The following DNAJC5B variants were observed in gnomAD, a reference collection of about 807,000 sequenced individuals.
The protein encoded by DNAJC5B is DnaJ heat shock protein family (Hsp40) member C5 beta, also known as dnaJ homolog subfamily C member 5B.
In DNAJC5B, 23 loss-of-function variants were observed where a neutral mutation model predicts 24.7. The observed-to-expected ratio is 0.93, with a 90% CI of 0.67 to 1.32. The LOEUF is 1.32. DNAJC5B is among the 40% of genes most tolerant of loss of function. The pLI is 0.00. For synonymous variants in DNAJC5B, 101 were observed against 90.1 expected, an observed-to-expected ratio of 1.12 and a Z score of -0.68; for missense variants, 238 against 240.8, an observed-to-expected ratio of 0.99 and a Z score of 0.08.
At chr8:66,070,168 C>T (rs893688138) in intron 3 of DNAJC5B, among the ~76,000 whole-genome samples, 4 of 152,172 alleles carry the variant, frequency 2.6e-5, no homozygotes, top group Non-Finnish European at 5.9e-5. Flanking sequence ...GATGCCCTCT[C>T]TCACCACTCC....
intron 5 of DNAJC5B, among the ~76,000 whole-genome samples, chr8:66,081,081 C>A (rs989903538): frequency 7.9e-5 from 12 of 152,148 alleles, no homozygotes; most frequent in African/African-American, 2.9e-4. Flanking sequence ...GGAGTAGCCT[C>A]AAACCAGCAT....
intron 3 of DNAJC5B, among the ~76,000 whole-genome samples, chr8:66,053,746 C>T (rs577288516): frequency 1.3e-4 from 20 of 151,810 alleles, no homozygotes; most frequent in Non-Finnish European, 2.8e-4. Context: ...TCTCCTGCTT[C>T]GGTCTCCCGA....
chr8:66,055,405 C>T (rs1806940728), intron 3 of DNAJC5B, among the ~76,000 whole-genome samples: 1 of 152,214 alleles, frequency 6.6e-6, no homozygotes, highest in Non-Finnish European at 1.5e-5. Flanking sequence ...GCTGTTGAAT[C>T]TATACACCAC....
At chr8:66,029,465 G>C (rs1424781372) in intron 1 of DNAJC5B, among the ~76,000 whole-genome samples, 1 of 152,194 alleles carries the variant, frequency 6.6e-6, no homozygotes, top group African/African-American at 2.4e-5. Context: ...TTTAGCTAAA[G>C]ATCAATGGGC....
intron 5 of DNAJC5B, among the ~76,000 whole-genome samples, chr8:66,090,036 T>C (rs1314708513): frequency 6.6e-6 from 1 of 152,140 alleles, no homozygotes; most frequent in Admixed American, 6.5e-5. Context: ...ACCAACTTAT[T>C]TCCCTTACTT....
chr8:66,017,103 C>T (rs1350753610), upstream of DNAJC5B, among the ~76,000 whole-genome samples: 1 of 152,026 alleles, frequency 6.6e-6, no homozygotes, highest in Non-Finnish European at 1.5e-5. Flanking sequence ...ATAGGGATCA[C>T]CTTATAGGAT....
chr8:66,078,173 A>C (rs1807512804), intron 4 of DNAJC5B, among the ~76,000 whole-genome samples: 1 of 152,164 alleles, frequency 6.6e-6, no homozygotes, highest in Admixed American at 6.6e-5. Flanking sequence ...CTTGCTTTGG[A>C]AGCTGACAAA....
At chr8:66,073,484 CAT>C (rs796943844) in intron 3 of DNAJC5B, among the ~76,000 whole-genome samples, 92 of 135,342 alleles carry the variant, frequency 6.8e-4, no homozygotes, top group African/African-American at 2.7e-3. Flanking sequence ...TGCATGTGTT[CAT>C]GTGTGTGTGT....
At chr8:66,019,077 C>T (rs142943382), upstream of DNAJC5B, among the ~76,000 whole-genome samples, 6 of 152,140 alleles carry the variant, frequency 3.9e-5, no homozygotes, top group African/African-American at 9.7e-5. Flanking sequence ...TCAAAGGATG[C>T]GGCATAACCC....
intron 1 of DNAJC5B, among the ~76,000 whole-genome samples, chr8:66,032,591 A>G (rs1806382820): frequency 6.6e-6 from 1 of 152,156 alleles, no homozygotes; most frequent in Non-Finnish European, 1.5e-5. Flanking sequence ...CAGAGCCACC[A>G]AGAGTGCCCT....
upstream of DNAJC5B, among the ~76,000 whole-genome samples, chr8:66,021,193 G>A (rs959849213): frequency 6.6e-6 from 1 of 152,146 alleles, no homozygotes. Flanking sequence ...GTGGATTCGG[G>A]TAAAAATTGT....
At chr8:66,031,953 A>G (rs1806369676) in intron 1 of DNAJC5B, among the ~76,000 whole-genome samples, 1 of 152,232 alleles carries the variant, frequency 6.6e-6, no homozygotes, top group Non-Finnish European at 1.5e-5. Flanking sequence ...CTACTATGTC[A>G]TCAGTTGGCC....
At chr8:66,030,221 G>T (rs1256020777) in intron 1 of DNAJC5B, among the ~76,000 whole-genome samples, 1 of 152,120 alleles carries the variant, frequency 6.6e-6, no homozygotes, top group Admixed American at 6.5e-5. Flanking sequence ...CTCCTTGATG[G>T]CTATTTAATG....
At chr8:66,048,477 T>A (rs922876502) in intron 2 of DNAJC5B, among the ~76,000 whole-genome samples, 1 of 152,172 alleles carries the variant, frequency 6.6e-6, no homozygotes, top group Non-Finnish European at 1.5e-5. Context: ...AGAGGGCTTA[T>A]GCAAACATCT....
At chr8:66,051,466 T>C (rs1407919445) in intron 2 of DNAJC5B, 65 bp from the exon 3 acceptor site, 5 of 888,294 alleles carry the variant, frequency 5.6e-6, no homozygotes, top group East Asian at 4.9e-5. Context: ...AAAAATGAGC[T>C]GTCTTCCCCT....
At chr8:66,067,566 C>T (rs1433390443) in intron 3 of DNAJC5B, among the ~76,000 whole-genome samples, 3 of 152,108 alleles carry the variant, frequency 2.0e-5, no homozygotes, top group Admixed American at 1.3e-4. Flanking sequence ...AGAAGTGATG[C>T]TGTGCCTAAA....
At chr8:66,054,708 T>C (rs1806925546) in intron 3 of DNAJC5B, among the ~76,000 whole-genome samples, 3 of 152,298 alleles carry the variant, frequency 2.0e-5, no homozygotes, top group South Asian at 4.1e-4. Context: ...ATATCAATCT[T>C]CTAGTTTATA....
chr8:66,080,780 A>T (rs1323947695), intron 5 of DNAJC5B, among the ~76,000 whole-genome samples: 1 of 152,192 alleles, frequency 6.6e-6, no homozygotes, highest in African/African-American at 2.4e-5. Flanking sequence ...ATCATGAAAT[A>T]TGCTGATGAT....
intron 1 of DNAJC5B, among the ~76,000 whole-genome samples, chr8:66,027,943 T>A (rs1384546568): frequency 6.6e-6 from 1 of 152,210 alleles, no homozygotes; most frequent in African/African-American, 2.4e-5. Flanking sequence ...ATGTTTGACA[T>A]AAGTTGGGCT....
Sources: gnomAD v4.1 joint callset for allele counts (sites outside exome capture counted in the v4.1 genomes callset) on GRCh38, gnomAD v4.1.1 for gene constraint, MANE v1.5 for transcripts, NCBI Gene and HGNC (gene_info 2026-07-23, HGNC 2026-07-21) for gene names.